Variants in IMMP1L observed in about 807,000 individuals in gnomAD.
IMMP1L encodes the protein mitochondrial inner membrane protease subunit 1.
A neutral mutation model predicts 21.8 loss-of-function variants in IMMP1L; 24 were observed. That is an observed-to-expected ratio of 1.10 (90% confidence interval 0.80 to 1.55). IMMP1L has a LOEUF of 1.55. IMMP1L is among the 40% of genes most tolerant of loss of function. The probability of loss-of-function intolerance (pLI) is 0.00; values close to 1 mark genes in which losing one functional copy is unlikely to be tolerated. For synonymous variants in IMMP1L, 46 were observed against 62.8 expected (o/e 0.73, Z 1.26); for missense variants, 195 against 200.7 (o/e 0.97, Z 0.17).
At chr11:31,473,456 C>G (rs1490211607) in intron 1 of IMMP1L, among the ~76,000 whole-genome samples, 5 of 152,136 alleles carry the variant, frequency 3.3e-5, no homozygotes, top group African/African-American at 1.2e-4. Context: ...CAAAATGAAG[C>G]TGTTTAGGTC....
chr11:31,437,476 A>C (rs1953164856), intron 4 of IMMP1L, among the ~76,000 whole-genome samples: 1 of 152,198 alleles, frequency 6.6e-6, no homozygotes, highest in African/African-American at 2.4e-5. Context: ...AGGGATGCTC[A>C]ACCCATACTC....
At chr11:31,457,868 C>T (rs998251475) in intron 3 of IMMP1L, among the ~76,000 whole-genome samples, 2 of 152,090 alleles carry the variant, frequency 1.3e-5, no homozygotes, top group Admixed American at 6.6e-5. Flanking sequence ...GGTAGCAAAT[C>T]GTTACATTCT....
chr11:31,434,927 C>T (rs1048534593), intron 4 of IMMP1L, among the ~76,000 whole-genome samples: 11 of 151,968 alleles, frequency 7.2e-5, no homozygotes, highest in African/African-American at 2.4e-4. Flanking sequence ...TGTAAGACTG[C>T]TCTAGTAGGA....
intron 1 of IMMP1L, 119 bp downstream of exon 1, chr11:31,509,400 G>A: frequency 4.9e-6 from 1 of 203,308 alleles, no homozygotes; most frequent in Non-Finnish European, 1.0e-5. Flanking sequence ...ACACAGCGGA[G>A]AAAGGTGCTA....
intron 4 of IMMP1L, among the ~76,000 whole-genome samples, chr11:31,439,266 G>T (rs768555540): frequency 1.3e-5 from 2 of 151,522 alleles, no homozygotes; most frequent in Non-Finnish European, 2.9e-5. Context: ...TGTCCTATGG[G>T]TTACTCATTT....
At chr11:31,489,045 C>T (rs1041288064) in intron 1 of IMMP1L, among the ~76,000 whole-genome samples, 5 of 151,940 alleles carry the variant, frequency 3.3e-5, no homozygotes, top group African/African-American at 7.2e-5. Flanking sequence ...TACAGGTACC[C>T]GCCACCATGC....
chr11:31,487,441 A>G (rs774793442), intron 1 of IMMP1L, among the ~76,000 whole-genome samples: 2 of 152,116 alleles, frequency 1.3e-5, no homozygotes, highest in Non-Finnish European at 2.9e-5. Flanking sequence ...GCTTAGCCCT[A>G]AGGTAGGAAG....
intron 4 of IMMP1L, among the ~76,000 whole-genome samples, chr11:31,454,822 T>C (rs1953886711): frequency 6.6e-6 from 1 of 152,212 alleles, no homozygotes. Context: ...TTTAAATACA[T>C]AGAGGATGCT....
At chr11:31,490,370 G>A (rs1279984504) in intron 1 of IMMP1L, among the ~76,000 whole-genome samples, 1 of 151,812 alleles carries the variant, frequency 6.6e-6, no homozygotes, top group East Asian at 1.9e-4. Context: ...TACTCGAGAA[G>A]CTGAGGTAGG....
intron 4 of IMMP1L, chr11:31,436,992 T>G (rs1953146579): frequency 4.0e-6 from 1 of 248,950 alleles, no homozygotes; most frequent in Non-Finnish European, 8.5e-6. Flanking sequence ...TCATGTAAAG[T>G]ACACAAATCA....
Position 31,453,140 on chromosome 11 carries a change from G to T in IMMP1L, c.321+3120C>A, listed in dbSNP as rs190883405. 1,645 of 1,282,668 alleles carry T rather than the reference G, an allele frequency of 1.3e-3. 3 individuals are homozygous for T. The highest frequency in any genetic ancestry group is 7.5e-3 in the Middle Eastern group (34 of 4,534). The allele number at this position is 1,282,668 out of a possible 1,614,324, so 79.5% of individuals were successfully genotyped here. A position where few individuals can be genotyped will look rare whatever the true frequency, so the allele number is the denominator to read the frequency against. On this transcript the variant is annotated intron_variant, in intron 4 of 5. Coordinates refer to ENST00000532287, the MANE Select transcript of IMMP1L (RefSeq NM_001304274.2). ...ATTTATAAGCGTTGCTTGCCATGTG[G>T]TCTTTTAAAACTCTGGAATGGAAAA...
intron 1 of IMMP1L, among the ~76,000 whole-genome samples, chr11:31,499,084 G>A (rs974783211): frequency 1.3e-5 from 2 of 152,072 alleles, no homozygotes; most frequent in East Asian, 3.9e-4. Flanking sequence ...CTACACGGAG[G>A]GCCGGGCGAG....
intron 3 of IMMP1L, among the ~76,000 whole-genome samples, chr11:31,457,156 GA>G (rs1337847724): frequency 1.3e-5 from 2 of 151,136 alleles, no homozygotes; most frequent in Non-Finnish European, 1.5e-5. Context: ...TTATATTTGA[GA>G]AAAAAAATCA....
intron 1 of IMMP1L, among the ~76,000 whole-genome samples, chr11:31,472,749 TAGG>T (rs1954603301): frequency 6.6e-6 from 1 of 152,214 alleles, no homozygotes; most frequent in Non-Finnish European, 1.5e-5. Flanking sequence ...AAAAGAAGTA[TAGG>T]AGGATCCTCC....
rs1315508578 is a variant in IMMP1L, at chr11:31,489,139, C to T, written c.-30+20380G>A. ...CTCTTGATTTCCTGACCTTGTGATCCGCCTGCCTCAGCCTCCCAAAGTGCT... is the reference window on the plus strand; with the variant it reads ...CTCTTGATTTCCTGACCTTGTGATCTGCCTGCCTCAGCCTCCCAAAGTGCT... On this transcript the variant is annotated intron_variant, in intron 1 of 5. Coordinates refer to ENST00000532287, the MANE Select transcript of IMMP1L (RefSeq NM_001304274.2). Among the ~76,000 whole-genome samples, 11 of 152,000 alleles carry T rather than the reference C, an allele frequency of 7.2e-5. 1 individual carries two copies. The South Asian group carries it at 1.9e-3, about 26-fold the overall frequency.
chr11:31,480,299 T>G (rs370489517), intron 1 of IMMP1L, among the ~76,000 whole-genome samples: 5 of 152,074 alleles, frequency 3.3e-5, no homozygotes, highest in Non-Finnish European at 7.4e-5. Context: ...GTCAACATTA[T>G]AAATTATTAG....
chr11:31,453,014 A>C (rs966031984), intron 4 of IMMP1L: 5 of 1,206,112 alleles, frequency 4.1e-6, no homozygotes, highest in Non-Finnish European at 5.5e-6. Context: ...GGCCTCTCAA[A>C]GTGCTGGGAT....
intron 1 of IMMP1L, among the ~76,000 whole-genome samples, chr11:31,495,187 T>A (rs1399120958): frequency 6.6e-6 from 1 of 152,212 alleles, no homozygotes; most frequent in East Asian, 1.9e-4. Context: ...CATATCACTA[T>A]CAGCATTTTG....
At chr11:31,475,535 C>G (rs1180731248) in intron 1 of IMMP1L, among the ~76,000 whole-genome samples, 2 of 152,068 alleles carry the variant, frequency 1.3e-5, no homozygotes, top group Admixed American at 1.3e-4. Context: ...ATGCCCAGCC[C>G]CATCCTATTC....
Sources: gnomAD v4.1 joint callset for allele counts (sites outside exome capture counted in the v4.1 genomes callset) on GRCh38, gnomAD v4.1.1 for gene constraint, MANE v1.5 for transcripts, NCBI Gene and HGNC (gene_info 2026-07-23, HGNC 2026-07-21) for gene names.